The following DSCAML1 variants were observed in gnomAD, a reference collection of about 807,000 sequenced individuals.
The protein encoded by DSCAML1 is DS cell adhesion molecule like 1, also known as cell adhesion molecule DSCAML1.
A neutral mutation model predicts 200.5 loss-of-function variants in DSCAML1; 38 were observed. The observed-to-expected ratio is 0.19, with a 90% confidence interval of 0.15 to 0.25. The LOEUF is 0.25. DSCAML1 is among the 10% of genes least tolerant of loss of function. The probability of loss-of-function intolerance (pLI) is 1.00; values close to 1 mark genes in which losing one functional copy is unlikely to be tolerated. For synonymous variants in DSCAML1, 1,215 were observed against 1,165.0 expected (o/e 1.04, Z -0.87); for missense variants, 2,223 against 2,858.8 (o/e 0.78, Z 5.07).
intron 3 of DSCAML1, among the ~76,000 whole-genome samples, chr11:117,561,462 G>A (rs2050661351): frequency 6.6e-6 from 1 of 152,234 alleles, no homozygotes. Context: ...CTATGGGGAT[G>A]AAATCTGCAC....
chr11:117,805,083 A>G (rs1246866117), intron 1 of DSCAML1, among the ~76,000 whole-genome samples: 1 of 152,214 alleles, frequency 6.6e-6, no homozygotes, highest in African/African-American at 2.4e-5. Context: ...TGACATGCCA[A>G]TCACTCTGGA....
At chr11:117,609,976 G>A (rs2051654285) in intron 3 of DSCAML1, among the ~76,000 whole-genome samples, 1 of 152,116 alleles carries the variant, frequency 6.6e-6, no homozygotes, top group Non-Finnish European at 1.5e-5. Context: ...CTACACTGAT[G>A]TTTCACAAGG....
intron 3 of DSCAML1, among the ~76,000 whole-genome samples, chr11:117,627,237 T>A (rs1428191839): frequency 1.3e-5 from 2 of 152,160 alleles, no homozygotes; most frequent in Non-Finnish European, 2.9e-5. Flanking sequence ...AGTTTTCCCT[T>A]CCGCCCCCGG....
chr11:117,677,215 C>T (rs183025719), intron 3 of DSCAML1, among the ~76,000 whole-genome samples: 42 of 152,256 alleles, frequency 2.8e-4, no homozygotes, highest in South Asian at 2.5e-3. Flanking sequence ...GAATCATAGG[C>T]GACAAGGACC....
At chr11:117,531,234 AC>A (rs1274095055) in intron 4 of DSCAML1, among the ~76,000 whole-genome samples, 9 of 152,058 alleles carry the variant, frequency 5.9e-5, no homozygotes, top group African/African-American at 1.9e-4. Flanking sequence ...AGCTGGAAGG[AC>A]ACCGAGGCCA....
chr11:117,638,246 T>C (rs779464752), intron 3 of DSCAML1, among the ~76,000 whole-genome samples: 26 of 151,836 alleles, frequency 1.7e-4, no homozygotes, highest in Non-Finnish European at 3.4e-4. Context: ...GAAAGTCCCA[T>C]GCCCTGGGAA....
intron 20 of DSCAML1, among the ~76,000 whole-genome samples, chr11:117,449,787 T>TTA (rs2048250045): frequency 6.6e-6 from 1 of 152,180 alleles, no homozygotes; most frequent in Non-Finnish European, 1.5e-5. Context: ...TTCTCTATAG[T>TTA]AGTCACTCAG....
chr11:117,809,747 A>G (rs1331756561), intron 1 of DSCAML1, among the ~76,000 whole-genome samples: 2 of 152,066 alleles, frequency 1.3e-5, no homozygotes, highest in Non-Finnish European at 2.9e-5. Flanking sequence ...AGCGCTCCAG[A>G]TGCTAGGTCC....
intron 27 of DSCAML1, among the ~76,000 whole-genome samples, chr11:117,434,283 C>A (rs937953224): frequency 6.6e-6 from 1 of 152,060 alleles, no homozygotes; most frequent in African/African-American, 2.4e-5. Context: ...ATTCATCATC[C>A]ACCTATTCAA....
intron 16 of DSCAML1, among the ~76,000 whole-genome samples, chr11:117,466,316 C>T (rs150081993): frequency 0.013 from 1,991 of 152,330 alleles, 39 homozygotes; most frequent in South Asian, 0.017. Context: ...ACCTTGAAGA[C>T]ACTGCACTAA....
chr11:117,433,665 C>T (rs1407081602), intron 27 of DSCAML1, among the ~76,000 whole-genome samples, 194 bp from the exon 28 acceptor site: 1 of 152,180 alleles, frequency 6.6e-6, no homozygotes, highest in Non-Finnish European at 1.5e-5. Flanking sequence ...GCTCCAAATT[C>T]AGGATTTGGC....
At chr11:117,740,527 C>CT (rs1267696635) in intron 3 of DSCAML1, among the ~76,000 whole-genome samples, 1 of 152,168 alleles carries the variant, frequency 6.6e-6, no homozygotes, top group Non-Finnish European at 1.5e-5. Flanking sequence ...ATCTTTAGGG[C>CT]TTACAAGACT....
At chr11:117,717,518 C>T (rs561537976) in intron 3 of DSCAML1, among the ~76,000 whole-genome samples, 1 of 152,322 alleles carries the variant, frequency 6.6e-6, no homozygotes, top group South Asian at 2.1e-4. Context: ...GATTGTGAGG[C>T]TCTTTGGGAG....
At chr11:117,625,831 T>C (rs2052031245) in intron 3 of DSCAML1, among the ~76,000 whole-genome samples, 3 of 152,222 alleles carry the variant, frequency 2.0e-5, no homozygotes. Flanking sequence ...GGGGCAATCC[T>C]GCCCAAGGAA....
chr11:117,607,965 C>G (rs1051753223), intron 3 of DSCAML1, among the ~76,000 whole-genome samples: 6 of 152,194 alleles, frequency 3.9e-5, no homozygotes, highest in African/African-American at 1.4e-4. Flanking sequence ...TTTAAATTGT[C>G]TTTCTTTACG....
At chr11:117,526,132 T>C (rs1413329739) in intron 4 of DSCAML1, among the ~76,000 whole-genome samples, 1 of 152,224 alleles carries the variant, frequency 6.6e-6, no homozygotes, top group African/African-American at 2.4e-5. Context: ...CCTCTCAGGC[T>C]CGTTCCCACC....
chr11:117,730,059 C>T (rs752069061), intron 3 of DSCAML1, among the ~76,000 whole-genome samples: 20 of 152,018 alleles, frequency 1.3e-4, no homozygotes, highest in Admixed American at 5.9e-4. Context: ...ATAAGCTGGG[C>T]GTGGTGGTGT....
chr11:117,499,911 T>C (rs1015536515), intron 11 of DSCAML1, among the ~76,000 whole-genome samples: 1 of 152,236 alleles, frequency 6.6e-6, no homozygotes, highest in African/African-American at 2.4e-5. Flanking sequence ...CCGACTCCCA[T>C]CCAGACCCTC....
intron 3 of DSCAML1, among the ~76,000 whole-genome samples, chr11:117,572,319 G>T (rs2050860685): frequency 6.6e-6 from 1 of 152,178 alleles, no homozygotes; most frequent in African/African-American, 2.4e-5. Context: ...GCTCAGCTGT[G>T]GCCTCTCCGA....
Sources: gnomAD v4.1 joint callset for allele counts (sites outside exome capture counted in the v4.1 genomes callset) on GRCh38, gnomAD v4.1.1 for gene constraint, MANE v1.5 for transcripts, NCBI Gene and HGNC (gene_info 2026-07-23, HGNC 2026-07-21) for gene names.